Variants in PALM2AKAP2 observed in about 807,000 individuals in gnomAD.
PALM2AKAP2 encodes the protein PALM2 and AKAP2 fusion, also known as PALM2-AKAP2 fusion protein.
A neutral mutation model predicts 71.5 loss-of-function variants in PALM2AKAP2; 37 were observed. That is an observed-to-expected ratio of 0.52 (90% CI 0.40 to 0.68). The LOEUF is 0.68. PALM2AKAP2 is among the 30% of genes least tolerant of loss of function. PALM2AKAP2 has a pLI of 0.00. For synonymous variants in PALM2AKAP2, 468 were observed against 478.8 expected (o/e 0.98, Z 0.29); for missense variants, 1,224 against 1,191.8 (o/e 1.03, Z -0.40).
At chr9:110,004,381 G>T (rs1832738637) in intron 6 of PALM2AKAP2, among the ~76,000 whole-genome samples, 1 of 152,222 alleles carries the variant, frequency 6.6e-6, no homozygotes, top group African/African-American at 2.4e-5. Context: ...GGCTTGTAGA[G>T]TTTCTGCTGA....
intron 1 of PALM2AKAP2, among the ~76,000 whole-genome samples, chr9:109,781,197 C>T (rs745552585): frequency 2.0e-5 from 3 of 152,116 alleles, no homozygotes; most frequent in Non-Finnish European, 4.4e-5. Context: ...TGGCAAAGTT[C>T]GTAGGCACTT....
Position 109,921,117 on chromosome 9 carries a change from A to T in PALM2AKAP2, c.258-2618A>T, listed in dbSNP as rs114360959. On this transcript the variant is annotated intron_variant, in intron 3 of 9. Coordinates refer to the PALM2AKAP2 transcript ENST00000302798. The stretch of plus-strand genomic sequence containing the variant: ...TAAATTCTCTTTGCGTCTCGCCCAC[A>T]CACAGCCTCTCAAGTTAAAGCTTGC... 2.6e-3 allele frequency among the ~76,000 whole-genome samples: 399 copies of T among 152,290 alleles called. 3 individuals carry two copies. Among genetic ancestry groups the T allele is most frequent in the African/African-American group, 9.4e-3 (392 of 41,558 alleles).
At chr9:109,832,883 G>A (rs921162406) in intron 1 of PALM2AKAP2, among the ~76,000 whole-genome samples, 5 of 152,134 alleles carry the variant, frequency 3.3e-5, no homozygotes, top group African/African-American at 1.2e-4. Flanking sequence ...TGAACACTTC[G>A]GGCACTAACT....
rs542888642 is a variant in PALM2AKAP2 at position 110,138,330 on chromosome 9, C to A, written c.2360C>A (p.Ala787Asp). ...CTGAGAAGCACAGCCTCCCTCCTGGCCACTCAAGAATCTGACGTGATGGTT... is the reference window on the plus strand; with the variant it reads ...CTGAGAAGCACAGCCTCCCTCCTGGACACTCAAGAATCTGACGTGATGGTT... The change falls in exon 2 of 4, where the codon GCC becomes GAC. Residue 787 changes from alanine to aspartate, a missense_variant. By Grantham distance (126) the Ala-to-Asp change is moderately radical. Coordinates refer to ENST00000374525, the Ensembl canonical transcript of PALM2AKAP2. 3 of 1,614,032 alleles carry A rather than the reference C, an allele frequency of 1.9e-6. No individual in the cohort carries two copies. The highest frequency in any genetic ancestry group is 1.3e-5 in the African/African-American group (1 of 74,916).
At chr9:109,757,329 T>A (rs1828979171) in intron 1 of PALM2AKAP2, among the ~76,000 whole-genome samples, 1 of 152,176 alleles carries the variant, frequency 6.6e-6, no homozygotes, top group Non-Finnish European at 1.5e-5. Context: ...AATCCCATAC[T>A]GTATCTCCTT....
chr9:110,143,273 T>C (rs949536946), intron 2 of PALM2AKAP2, among the ~76,000 whole-genome samples: 1 of 145,422 alleles, frequency 6.9e-6, no homozygotes, highest in Non-Finnish European at 1.5e-5. Flanking sequence ...AAAAGAAAAA[T>C]TACCTGAGTG....
intron 1 of PALM2AKAP2, among the ~76,000 whole-genome samples, chr9:110,130,659 A>T (rs1411695515): frequency 6.6e-6 from 1 of 152,222 alleles, no homozygotes; most frequent in African/African-American, 2.4e-5. Context: ...CTGAAGACAG[A>T]TGTGGCAACT....
At chr9:109,916,369 G>A (rs1352923867) in intron 3 of PALM2AKAP2, among the ~76,000 whole-genome samples, 1 of 152,234 alleles carries the variant, frequency 6.6e-6, no homozygotes, top group South Asian at 2.1e-4. Flanking sequence ...AGCCTTGAAG[G>A]CCAGGTATTT....
At chr9:109,711,993 T>TTGTGTG (rs10611227) in intron 1 of PALM2AKAP2, among the ~76,000 whole-genome samples, 1,624 of 148,704 alleles carry the variant, frequency 0.011, 32 homozygotes, top group African/African-American at 0.037. Flanking sequence ...GTGTGAGTGC[T>TTGTGTG]TGTGTGTGTG....
rs537828469 is a variant in PALM2AKAP2 at position 109,823,099 on chromosome 9, G to A, written c.45+42566G>A. On this transcript the variant is annotated intron_variant, in intron 1 of 9. Coordinates refer to the PALM2AKAP2 transcript ENST00000302798. Reference sequence around the variant, plus strand: ...GAGAGACTCTCGTCAGATCAGCTATGGCCAGAGGTCATATTGTTCCATAGT... The same window carrying A: ...GAGAGACTCTCGTCAGATCAGCTATAGCCAGAGGTCATATTGTTCCATAGT... Among the ~76,000 whole-genome samples, 18 of 152,244 alleles carry A rather than the reference G, an allele frequency of 1.2e-4. 1 individual carries two copies. Among genetic ancestry groups the A allele is most frequent in the Middle Eastern group, 3.4e-3 (1 of 294 alleles).
intron 1 of PALM2AKAP2, among the ~76,000 whole-genome samples, chr9:109,726,436 C>T (rs764067678): frequency 6.6e-6 from 1 of 152,220 alleles, no homozygotes; most frequent in Non-Finnish European, 1.5e-5. Context: ...GTTGTGTTTC[C>T]TCCAGACCAG....
At chr9:109,850,973 C>G (rs894319557) in intron 1 of PALM2AKAP2, among the ~76,000 whole-genome samples, 1 of 152,040 alleles carries the variant, frequency 6.6e-6, no homozygotes, top group African/African-American at 2.4e-5. Flanking sequence ...GTCAGGAGAT[C>G]AAGACCATCC....
intron 3 of PALM2AKAP2, among the ~76,000 whole-genome samples, chr9:110,167,606 T>A (rs1836770556): frequency 6.6e-6 from 1 of 152,220 alleles, no homozygotes. Context: ...CTTAGTGTTG[T>A]CACCTTTCAT....
chr9:110,069,527 T>C (rs897312893), intron 1 of PALM2AKAP2, among the ~76,000 whole-genome samples: 1 of 152,186 alleles, frequency 6.6e-6, no homozygotes, highest in African/African-American at 2.4e-5. Context: ...TCCATATTCT[T>C]GATGGGGCAG....
intron 1 of PALM2AKAP2, among the ~76,000 whole-genome samples, chr9:109,837,759 A>G (rs1235222439): frequency 6.6e-6 from 1 of 152,202 alleles, no homozygotes; most frequent in Admixed American, 6.5e-5. Context: ...CTTTAAACCA[A>G]CAAAAATCAA....
At chr9:109,992,626 T>C (rs1457680128) in intron 6 of PALM2AKAP2, among the ~76,000 whole-genome samples, 1 of 152,112 alleles carries the variant, frequency 6.6e-6, no homozygotes, top group African/African-American at 2.4e-5. Context: ...CACAATTCAA[T>C]CCATAACAGG....
chr9:109,699,124 G>C (rs953870230), intron 1 of PALM2AKAP2, among the ~76,000 whole-genome samples: 6 of 152,102 alleles, frequency 3.9e-5, no homozygotes, highest in South Asian at 2.1e-4. Flanking sequence ...TGGGCAAAAA[G>C]AAAAATGGGC....
chr9:110,089,656 G>A (rs914632787), intron 1 of PALM2AKAP2, among the ~76,000 whole-genome samples: 2 of 152,200 alleles, frequency 1.3e-5, no homozygotes, highest in Non-Finnish European at 2.9e-5. Context: ...ACCAGGAACG[G>A]CTGTGCCTTG....
intron 1 of PALM2AKAP2, among the ~76,000 whole-genome samples, chr9:109,826,950 A>C (rs1042249292): frequency 2.6e-5 from 4 of 152,188 alleles, no homozygotes; most frequent in African/African-American, 9.7e-5. Context: ...ATGAAATGAG[A>C]TAAAAATATA....
Sources: gnomAD v4.1 joint callset for allele counts (sites outside exome capture counted in the v4.1 genomes callset) on GRCh38, gnomAD v4.1.1 for gene constraint, MANE v1.5 for transcripts, NCBI Gene and HGNC (gene_info 2026-07-23, HGNC 2026-07-21) for gene names.